MMP26: variants seen among roughly 807,000 people sequenced by gnomAD.
MMP26 encodes matrix metallopeptidase 26.
A neutral mutation model predicts 31.0 loss-of-function variants in MMP26; 33 were observed. That is an observed-to-expected ratio of 1.06 (90% CI 0.81 to 1.42). The LOEUF (loss-of-function observed/expected upper bound fraction) is 1.42, where lower values mean the gene tolerates loss of function less well. Among genes scored for constraint, MMP26 ranks in the 40% most tolerant of loss-of-function variants. The probability of loss-of-function intolerance (pLI) is 0.00; values close to 1 mark genes in which losing one functional copy is unlikely to be tolerated. For missense variants in MMP26, 347 were observed against 316.1 expected (o/e 1.10, Z -0.74); for synonymous variants, 122 against 114.9 (o/e 1.06, Z -0.40).
chr11:4,821,952 A>T, intron 2 of MMP26: 1 of 1,614,004 alleles, frequency 6.2e-7, no homozygotes, highest in Non-Finnish European at 8.5e-7. Flanking sequence ...TGGTCCTTTC[A>T]CATTCTTACT....
At chr11:4,804,482 C>G in intron 2 of MMP26, 1 of 874,306 alleles carries the variant, frequency 1.1e-6, no homozygotes, top group South Asian at 1.3e-5. Context: ...TTGGATGGGA[C>G]TATTGGATAC....
chr11:4,915,443 A>G (rs1259170915), intron 2 of MMP26: 2 of 1,614,126 alleles, frequency 1.2e-6, no homozygotes, highest in East Asian at 2.2e-5. Context: ...ACCCAGGTCA[A>G]TCAGAGCCAG....
intron 1 of MMP26, chr11:4,724,089 C>A: frequency 1.5e-6 from 1 of 645,594 alleles, no homozygotes; most frequent in Non-Finnish European, 2.8e-6. Flanking sequence ...GGCACCAGGT[C>A]CACTCGTGTA....
At chr11:4,945,873 G>A (rs2570576) in intron 2 of MMP26, 350,922 of 415,792 alleles carry the variant, frequency 0.84, 148,580 homozygotes, top group East Asian at 0.9. Flanking sequence ...TTCTGTCAGA[G>A]CTGTAAAAAT....
chr11:4,803,489 T>C, intron 2 of MMP26: 1 of 1,614,116 alleles, frequency 6.2e-7, no homozygotes. Context: ...TGTTTGGTTC[T>C]AACTCCATAA....
intron 2 of MMP26, chr11:4,769,908 G>A (rs770586349): frequency 2.5e-6 from 4 of 1,588,156 alleles, no homozygotes; most frequent in South Asian, 1.1e-5. Context: ...GAGTTGCTTA[G>A]GATTTCCATG....
intron 1 of MMP26, chr11:4,724,206 T>C (rs1225677574): frequency 8.1e-6 from 4 of 493,452 alleles, no homozygotes; most frequent in African/African-American, 7.8e-5. Context: ...GCGATGGGCC[T>C]GTGAACCAGG....
intron 2 of MMP26, among the ~76,000 whole-genome samples, chr11:4,785,797 T>G (rs570564718): frequency 5.9e-5 from 9 of 152,264 alleles, no homozygotes; most frequent in African/African-American, 2.2e-4. Context: ...CACTAAAAAT[T>G]GCAAGACCAT....
intron 2 of MMP26, chr11:4,859,857 C>A (rs1243370744): frequency 2.1e-6 from 1 of 471,190 alleles, no homozygotes; most frequent in Admixed American, 2.4e-5. Context: ...GGGTTTTCAG[C>A]CTTTCACCTC....
rs1248922186 is a variant in MMP26, at chr11:4,759,277, G to A, written c.-216-7993G>A. Among the ~76,000 whole-genome samples the A allele has an allele frequency of 2.0e-5, 3 of 152,152 alleles. No homozygotes were observed. The East Asian group carries it at 5.8e-4, about 29-fold the overall frequency. On this transcript the variant is annotated intron_variant, in intron 1 of 7. Transcript: ENST00000380390. Reference sequence around the variant, plus strand: ...TATTAATGTCAACAAAGATTAGTAAGGATTGTTAGGCTGCGGGAAATCTGG... The same window carrying A: ...TATTAATGTCAACAAAGATTAGTAAAGATTGTTAGGCTGCGGGAAATCTGG...
intron 2 of MMP26, chr11:4,882,516 T>C (rs770841108): frequency 6.2e-7 from 1 of 1,613,956 alleles, no homozygotes; most frequent in Non-Finnish European, 8.5e-7. Context: ...TTTCTTCAGC[T>C]CTACCTGAAT....
intron 2 of MMP26, among the ~76,000 whole-genome samples, chr11:4,813,015 GTATA>G (rs36076505): frequency 2.0e-5 from 3 of 147,624 alleles, no homozygotes; most frequent in African/African-American, 4.9e-5. Flanking sequence ...GTGTGTGTAT[GTATA>G]TATATATATA....
intron 2 of MMP26, chr11:4,946,420 C>A (rs115841226): frequency 6.2e-7 from 1 of 1,609,596 alleles, no homozygotes; most frequent in Non-Finnish European, 8.5e-7. Context: ...ATGCAATTCC[C>A]AGTACAGTCT....
chr11:4,765,184 A>G (rs984395232), intron 1 of MMP26, among the ~76,000 whole-genome samples: 3 of 152,194 alleles, frequency 2.0e-5, no homozygotes, highest in African/African-American at 4.8e-5. Flanking sequence ...TGTAAGCCAC[A>G]TTGCCCAGGA....
At chr11:4,978,757 C>A (rs937182772) in intron 2 of MMP26, among the ~76,000 whole-genome samples, 8 of 152,056 alleles carry the variant, frequency 5.3e-5, no homozygotes, top group Non-Finnish European at 4.4e-5. Context: ...GTCAGACTAG[C>A]AGCAGTTTCA....
chr11:4,728,551 G>T (rs944313028), intron 1 of MMP26, among the ~76,000 whole-genome samples: 8 of 152,148 alleles, frequency 5.3e-5, no homozygotes, highest in African/African-American at 1.9e-4. Flanking sequence ...ATCCCCTTTT[G>T]CCCAGTCAGG....
intron 2 of MMP26, among the ~76,000 whole-genome samples, chr11:4,810,303 G>A (rs1849332953): frequency 8.1e-6 from 1 of 123,328 alleles, no homozygotes; most frequent in Admixed American, 8.0e-5. Flanking sequence ...TGAAACTGCT[G>A]ATATGTAAGT....
chr11:4,900,849 A>T (rs895146223), intron 2 of MMP26, among the ~76,000 whole-genome samples: 48 of 152,158 alleles, frequency 3.2e-4, no homozygotes, highest in African/African-American at 1.1e-3. Flanking sequence ...GTGTATTCTT[A>T]CATAGAACCA....
chr11:4,724,588 A>G (rs1487870644), intron 1 of MMP26, among the ~76,000 whole-genome samples: 3 of 152,238 alleles, frequency 2.0e-5, no homozygotes, highest in Non-Finnish European at 4.4e-5. Context: ...AGCAAAAATT[A>G]TACCCCAATA....
Sources: gnomAD v4.1 joint callset for allele counts (sites outside exome capture counted in the v4.1 genomes callset) on GRCh38, gnomAD v4.1.1 for gene constraint, MANE v1.5 for transcripts, NCBI Gene and HGNC (gene_info 2026-07-23, HGNC 2026-07-21) for gene names.